Variants in SENP2 observed in about 807,000 individuals in gnomAD.
SENP2 encodes sentrin-specific protease 2.
In SENP2, 16 loss-of-function variants were observed where a neutral mutation model predicts 86.3. The observed-to-expected ratio is 0.19, with a 90% CI of 0.13 to 0.28. The LOEUF (loss-of-function observed/expected upper bound fraction) is 0.28, where lower values mean the gene tolerates loss of function less well. Ranked by LOEUF, SENP2 falls within the 10% of genes least tolerant of loss-of-function variation. The pLI, the probability that SENP2 is intolerant of heterozygous loss-of-function variation, is 1.00. For synonymous variants in SENP2, 222 were observed against 238.7 expected (o/e 0.93, Z 0.64); for missense variants, 552 against 703.0 (o/e 0.79, Z 2.43).
intron 2 of SENP2, among the ~76,000 whole-genome samples, chr3:185,591,391 A>G (rs943918793): frequency 1.3e-5 from 2 of 151,292 alleles, no homozygotes; most frequent in Non-Finnish European, 2.9e-5. Context: ...TCGCTCTGTC[A>G]CCCAGGCTGG....
In SENP2 at chr3:185,599,797, ATTTC is replaced by A. The variant is rs1211002130; in HGVS notation, c.358+785_358+788del. ...AGAAGCTAGTTCCTAAAAACTTGAT[ATTTC>A]TTTCTTTCTTTTTTTTTTTTTTTTT... On this transcript the variant is annotated intron_variant, in intron 4 of 16. Transcript: ENST00000296257. 4.2e-4 allele frequency among the ~76,000 whole-genome samples: 62 copies of A among 147,700 alleles called. No homozygotes were observed. In the South Asian group the frequency reaches 0.011, roughly 26 times the overall value.
At chr3:185,622,564 T>C (rs1295828167) in intron 14 of SENP2, among the ~76,000 whole-genome samples, 1 of 152,112 alleles carries the variant, frequency 6.6e-6, no homozygotes, top group Non-Finnish European at 1.5e-5. Context: ...TTTTTATTTA[T>C]GGTTGTTTAT....
chr3:185,617,587 G>T lies in SENP2; in HGVS notation c.1218G>T (p.Lys406Asn). The change falls in exon 12 of 17, where the codon AAG becomes AAT. Residue 406 changes from lysine (K) to asparagine (N), a missense_variant. Transcript: ENST00000296257. The stretch of plus-strand genomic sequence containing the variant: ...CTCGAGGAGATATTCAGACATTAAA[G>T]AACTATCACTGGCTCAATGATGAAG... ...RITRGDIQTLKNYHWLNDEVI... is the reference protein window; with the variant it reads ...RITRGDIQTLNNYHWLNDEVI... The T allele has an allele frequency of 6.2e-7, 1 of 1,613,658 alleles. No individual in the cohort carries two copies. The highest frequency in any genetic ancestry group is 1.1e-5 in the South Asian group (1 of 91,004).
chr3:185,587,570 A>ATTTTTTTTT (rs398052522), intron 1 of SENP2, among the ~76,000 whole-genome samples: 1,345 of 118,746 alleles, frequency 0.011, 96 homozygotes, highest in African/African-American at 0.039. Flanking sequence ...TCAAGTGTTA[A>ATTTTTTTTT]TTTTTTTTTT....
rs1377891730 is a variant in SENP2 at position 185,626,389 on chromosome 3, C to T, written c.1703C>T (p.Thr568Ile). 2 of 1,598,972 alleles carry T rather than the reference C, an allele frequency of 1.3e-6. No homozygotes were observed. Among genetic ancestry groups the T allele is most frequent in the Non-Finnish European group, 1.7e-6 (2 of 1,166,708 alleles). The change falls in exon 16 of 17, where the codon ACT (threonine) becomes ATT (isoleucine). Residue 568 changes from threonine to isoleucine, a missense_variant. By Grantham distance (89) the Thr-to-Ile change is moderately conservative. This residue lies in a region of SENP2 where 169 missense variants were observed against 275.7 expected (regional missense o/e 0.61). Coordinates refer to ENST00000296257, the MANE Select transcript of SENP2 (RefSeq NM_021627.3). ...YISRDKPITF[T>I]QHQMPLFRKK... ...TCTAGGGACAAACCTATCACATTTACTCAGGTGAGTGAAGACCCTCTTCAT... is the reference window on the plus strand; with the variant it reads ...TCTAGGGACAAACCTATCACATTTATTCAGGTGAGTGAAGACCCTCTTCAT...
chr3:185,625,009 T>G (rs1279365937), intron 15 of SENP2, among the ~76,000 whole-genome samples: 1 of 152,180 alleles, frequency 6.6e-6, no homozygotes, highest in Non-Finnish European at 1.5e-5. Flanking sequence ...CTGCCTTTCT[T>G]TGTATATTGT....
chr3:185,590,796 G>T (rs1721956742), intron 2 of SENP2, among the ~76,000 whole-genome samples: 1 of 125,626 alleles, frequency 8.0e-6, no homozygotes. Flanking sequence ...GGGAGGCGGA[G>T]GTTGCAGTGA....
At chr3:185,617,409 C>A (rs1229115169) in intron 11 of SENP2, 71 bp from the exon 12 acceptor site, 2 of 1,387,278 alleles carry the variant, frequency 1.4e-6, no homozygotes, top group Non-Finnish European at 9.7e-7. Context: ...TTTTTTCAGT[C>A]TCGGAGTTTT....
chr3:185,629,717 C>G lies in SENP2; in HGVS notation c.1708-65C>G, dbSNP rs79520266. On this transcript the variant is annotated intron_variant, in intron 16 of 16. Coordinates refer to ENST00000296257, the MANE Select transcript of SENP2 (RefSeq NM_021627.3). ...ATCCTGCTTTATTACATGATTACACCTGAAGGTTGTGCTGCCATGCACATT... is the reference window on the plus strand; with the variant it reads ...ATCCTGCTTTATTACATGATTACACGTGAAGGTTGTGCTGCCATGCACATT... 7.3e-4 allele frequency: 1,080 copies of G among 1,486,680 alleles called. 8 individuals carry two copies. The African/African-American group carries it at 0.013, about 17-fold the overall frequency. The allele number at this position is 1,486,680 out of a possible 1,614,324, so 92.1% of individuals were successfully genotyped here. A position where few individuals can be genotyped will look rare whatever the true frequency, so the allele number is the denominator to read the frequency against.
Position 185,626,274 on chromosome 3 carries a change from CTTCTT to C in SENP2, c.1612-21_1612-17del, listed in dbSNP as rs1712141169. 5 of 1,500,664 alleles carry C rather than the reference CTTCTT, an allele frequency of 3.3e-6. No homozygotes were observed. The highest frequency in any genetic ancestry group is 2.3e-5 in the South Asian group (2 of 87,198). 93.0% of individuals were successfully genotyped at this position (1,500,664 alleles called of 1,614,324 possible). A position where few individuals can be genotyped will look rare whatever the true frequency, so the allele number is the denominator to read the frequency against. On this transcript the variant is annotated intron_variant, in intron 15 of 16. Coordinates refer to ENST00000296257, the MANE Select transcript of SENP2 (RefSeq NM_021627.3). ...TTAATGATGTTTTACCCTTTCCTCT[CTTCTT>C]TTTTCTTTGTAATTTTAGGAGATTC...
intron 15 of SENP2, among the ~76,000 whole-genome samples, chr3:185,625,521 C>T (rs1712104977): frequency 6.6e-6 from 1 of 152,058 alleles, no homozygotes; most frequent in South Asian, 2.1e-4. Flanking sequence ...TGACTGACAG[C>T]CAGAGTGTGT....
At chr3:185,617,681 CTCCTACCCAGTT>C in intron 12 of SENP2, 70 bp downstream of exon 12, 1 of 1,374,088 alleles carries the variant, frequency 7.3e-7, no homozygotes, top group Non-Finnish European at 1.0e-6. Context: ...ATCAAAGTGA[CTCCTACCCAGTT>C]ATAATGGGTT....
At chr3:185,616,775 C>CAAA (rs34897313) in intron 11 of SENP2, among the ~76,000 whole-genome samples, 9,969 of 121,742 alleles carry the variant, frequency 0.082, 622 homozygotes, top group South Asian at 0.32. Context: ...ACTCCGTCTC[C>CAAA]AAAAAAAAAA....
At chr3:185,587,483 T>C (rs1322860805) in intron 1 of SENP2, among the ~76,000 whole-genome samples, 3 of 152,114 alleles carry the variant, frequency 2.0e-5, no homozygotes, top group African/African-American at 7.2e-5. Flanking sequence ...CCCATTTTAT[T>C]GTATCGACCT....
chr3:185,616,838 C>A (rs1577737319), intron 11 of SENP2, among the ~76,000 whole-genome samples: 1 of 141,910 alleles, frequency 7.0e-6, no homozygotes, highest in African/African-American at 2.7e-5. Flanking sequence ...GGAGCAAAGT[C>A]CAGGAAATTA....
chr3:185,618,600 C>T (rs778835790), intron 12 of SENP2, among the ~76,000 whole-genome samples: 5 of 152,126 alleles, frequency 3.3e-5, no homozygotes, highest in Admixed American at 6.6e-5. Context: ...ACCACTCGGC[C>T]GGGCGCGGTG....
At chr3:185,628,026 A>C (rs1190344991) in intron 16 of SENP2, among the ~76,000 whole-genome samples, 1 of 152,230 alleles carries the variant, frequency 6.6e-6, no homozygotes, top group Non-Finnish European at 1.5e-5. Flanking sequence ...TTTTACTAAG[A>C]GCAAATGTGC....
intron 3 of SENP2, 42 bp from the exon 4 acceptor site, chr3:185,598,916 C>T: frequency 6.6e-7 from 1 of 1,512,210 alleles, no homozygotes; most frequent in East Asian, 2.3e-5. Flanking sequence ...ATTTAGGTGA[C>T]AAAATTTAGA....
chr3:185,619,190 A>G (rs1711747948), intron 12 of SENP2, 109 bp from the exon 13 acceptor site: 2 of 777,546 alleles, frequency 2.6e-6, no homozygotes, highest in Non-Finnish European at 2.1e-6. Context: ...CAGTCTTTTT[A>G]TCCTCTTCTT....
Sources: gnomAD v4.1 joint callset for allele counts (sites outside exome capture counted in the v4.1 genomes callset) on GRCh38, gnomAD v4.1.1 for gene constraint, gnomAD v4.1.1 regional missense constraint, MANE v1.5 for transcripts, NCBI Gene and HGNC (gene_info 2026-07-23, HGNC 2026-07-21) for gene names.